PDGFC: variants seen among roughly 807,000 people sequenced by gnomAD.
PDGFC encodes platelet derived growth factor C, also known as platelet-derived growth factor C.
PDGFC carries 12 observed loss-of-function variants against 35.5 expected under a neutral mutation model. The observed-to-expected ratio is 0.34, with a 90% CI of 0.22 to 0.55. PDGFC has a LOEUF of 0.55. Among genes scored for constraint, PDGFC ranks in the 20% least tolerant of loss-of-function variants. The probability of loss-of-function intolerance (pLI) is 0.91; values close to 1 mark genes in which losing one functional copy is unlikely to be tolerated. For synonymous variants in PDGFC, 159 were observed against 148.8 expected, an observed-to-expected ratio of 1.07 and a Z score of -0.50; for missense variants, 322 against 412.4, an observed-to-expected ratio of 0.78 and a Z score of 1.90.
At chr4:156,891,719 G>T (rs1027647750) in intron 1 of PDGFC, among the ~76,000 whole-genome samples, 2 of 122,134 alleles carry the variant, frequency 1.6e-5, no homozygotes, top group Non-Finnish European at 3.4e-5. Flanking sequence ...TACAGATTCA[G>T]CTGAACAATA....
intron 5 of PDGFC, among the ~76,000 whole-genome samples, chr4:156,764,153 C>T (rs571924800): frequency 6.6e-6 from 1 of 152,242 alleles, no homozygotes; most frequent in East Asian, 1.9e-4. Flanking sequence ...TTGGATACGA[C>T]ATAGATAACC....
intron 1 of PDGFC, among the ~76,000 whole-genome samples, chr4:156,945,749 G>A (rs914777821): frequency 2.6e-5 from 4 of 151,918 alleles, no homozygotes; most frequent in African/African-American, 9.7e-5. Flanking sequence ...GAATTTTAAT[G>A]ACCAAAGAGA....
intron 1 of PDGFC, among the ~76,000 whole-genome samples, chr4:156,928,818 A>ATG (rs1283998859): frequency 6.6e-6 from 1 of 152,242 alleles, no homozygotes; most frequent in East Asian, 1.9e-4. Context: ...AAGAGATTCC[A>ATG]CTTTTTCTCA....
intron 1 of PDGFC, among the ~76,000 whole-genome samples, chr4:156,885,671 T>C (rs1033202359): frequency 7.9e-5 from 12 of 152,074 alleles, no homozygotes; most frequent in Non-Finnish European, 1.5e-4. Context: ...GTGAGAGTAC[T>C]GCTTGGGCCA....
At chr4:156,922,196 CTG>C (rs146040700) in intron 1 of PDGFC, among the ~76,000 whole-genome samples, 3 of 130,412 alleles carry the variant, frequency 2.3e-5, no homozygotes, top group African/African-American at 2.9e-5. Flanking sequence ...GTGTGTGCAT[CTG>C]TGTGTGTGTG....
intron 2 of PDGFC, chr4:156,842,342 G>A (rs1457704347): frequency 6.6e-6 from 1 of 151,316 alleles, no homozygotes; most frequent in Non-Finnish European, 1.5e-5. Flanking sequence ...TGGTAATAGA[G>A]CAACATGCTT....
At chr4:156,928,113 G>A (rs948803080) in intron 1 of PDGFC, among the ~76,000 whole-genome samples, 1 of 152,008 alleles carries the variant, frequency 6.6e-6, no homozygotes, top group African/African-American at 2.4e-5. Context: ...GGGGGAAACC[G>A]CCCCCATGAT....
At chr4:156,810,815 G>C (rs764394045) in intron 3 of PDGFC, 22 bp downstream of exon 3, 1 of 1,444,948 alleles carries the variant, frequency 6.9e-7, no homozygotes, top group African/African-American at 1.5e-5. Context: ...ATTAAATAAG[G>C]GGATCTGAAA....
chr4:156,905,925 A>G (rs1730904834), intron 1 of PDGFC, among the ~76,000 whole-genome samples: 1 of 151,994 alleles, frequency 6.6e-6, no homozygotes, highest in South Asian at 2.1e-4. Flanking sequence ...AATACATCCT[A>G]GCTCTGCTTA....
chr4:156,942,644 T>C (rs142532669), intron 1 of PDGFC, among the ~76,000 whole-genome samples: 597 of 149,808 alleles, frequency 4.0e-3, no homozygotes, highest in Non-Finnish European at 6.3e-3. Context: ...ACAAAAAAAA[T>C]ACTGCTACCA....
chr4:156,953,166 C>A (rs1231895575), intron 1 of PDGFC, among the ~76,000 whole-genome samples: 1 of 151,890 alleles, frequency 6.6e-6, no homozygotes, highest in African/African-American at 2.4e-5. Context: ...AGTTACTCTT[C>A]CAAAATGTCT....
intron 2 of PDGFC, among the ~76,000 whole-genome samples, chr4:156,829,531 C>A (rs983305879): frequency 6.6e-6 from 1 of 152,044 alleles, no homozygotes; most frequent in East Asian, 1.9e-4. Flanking sequence ...TAAAATTTTC[C>A]TCTTGCTCTC....
intron 3 of PDGFC, among the ~76,000 whole-genome samples, chr4:156,804,000 C>A (rs1486943147): frequency 6.6e-6 from 1 of 151,928 alleles, no homozygotes; most frequent in Non-Finnish European, 1.5e-5. Flanking sequence ...TAATATAATG[C>A]TTGGAAGAGT....
chr4:156,805,105 G>C (rs7689847), intron 3 of PDGFC, among the ~76,000 whole-genome samples: 9,378 of 152,050 alleles, frequency 0.062, 964 homozygotes, highest in African/African-American at 0.21. Context: ...ATATGAAAGA[G>C]AGCATTGTGC....
At chr4:156,773,285 G>A (rs1349900732) in intron 3 of PDGFC, among the ~76,000 whole-genome samples, 1 of 151,928 alleles carries the variant, frequency 6.6e-6, no homozygotes, top group Non-Finnish European at 1.5e-5. Flanking sequence ...ATGCAAATTA[G>A]TGTCACATAA....
chr4:156,928,512 AC>A (rs1731471214), intron 1 of PDGFC, among the ~76,000 whole-genome samples: 1 of 152,198 alleles, frequency 6.6e-6, no homozygotes, highest in African/African-American at 2.4e-5. Flanking sequence ...CAGGCTCAGA[AC>A]AGCTGGCTGA....
At chr4:156,895,784 G>A (rs1730620641) in intron 1 of PDGFC, among the ~76,000 whole-genome samples, 1 of 152,048 alleles carries the variant, frequency 6.6e-6, no homozygotes, top group Non-Finnish European at 1.5e-5. Flanking sequence ...ACAAAAATAT[G>A]AGACACGGGT....
intron 3 of PDGFC, among the ~76,000 whole-genome samples, chr4:156,786,087 A>T (rs1178028477): frequency 1.3e-5 from 2 of 152,154 alleles, no homozygotes; most frequent in Non-Finnish European, 1.5e-5. Context: ...ATTCATAACC[A>T]CACTAATAGG....
chr4:156,948,292 C>A (rs1731995897), intron 1 of PDGFC, among the ~76,000 whole-genome samples: 1 of 150,780 alleles, frequency 6.6e-6, no homozygotes, highest in Non-Finnish European at 1.5e-5. Context: ...TCTTCCCAGA[C>A]AAAACTCTTA....
Sources: gnomAD v4.1 joint callset for allele counts (sites outside exome capture counted in the v4.1 genomes callset) on GRCh38, gnomAD v4.1.1 for gene constraint, MANE v1.5 for transcripts, NCBI Gene and HGNC (gene_info 2026-07-23, HGNC 2026-07-21) for gene names.